PTK2: variants seen among roughly 807,000 people sequenced by gnomAD.
PTK2 encodes protein tyrosine kinase 2, also known as focal adhesion kinase 1.
Under a neutral mutation model 150.1 loss-of-function variants are expected in PTK2, and 45 were observed. The observed-to-expected ratio is 0.30, with a 90% CI of 0.24 to 0.38. PTK2 has a LOEUF of 0.38. Among genes scored for constraint, PTK2 ranks in the 10% least tolerant of loss-of-function variants. PTK2 has a pLI of 1.00. For missense variants in PTK2, 919 were observed against 1,307.3 expected, an observed-to-expected ratio of 0.70 and a Z score of 4.58; for synonymous variants, 432 against 449.2, an observed-to-expected ratio of 0.96 and a Z score of 0.48.
chr8:140,960,796 C>A (rs1050481017), intron 1 of PTK2, among the ~76,000 whole-genome samples: 4 of 152,122 alleles, frequency 2.6e-5, no homozygotes, highest in African/African-American at 9.7e-5. Context: ...ACCCGACCAA[C>A]ATGGTAAAAC....
At chr8:140,669,344 C>CACAG (rs2094404460) in intron 29 of PTK2, 1 of 103,044 alleles carries the variant, frequency 9.7e-6, no homozygotes, top group African/African-American at 5.3e-5. Context: ...TATATATACA[C>CACAG]TTTTTAAAAA....
intron 23 of PTK2, among the ~76,000 whole-genome samples, chr8:140,706,624 G>C (rs1307586319): frequency 6.6e-6 from 1 of 152,170 alleles, no homozygotes; most frequent in Non-Finnish European, 1.5e-5. Context: ...AGGCCAGTCT[G>C]TTGGGAATGT....
At chr8:140,763,075 C>A (rs1274577241) in intron 15 of PTK2, among the ~76,000 whole-genome samples, 2 of 152,174 alleles carry the variant, frequency 1.3e-5, no homozygotes, top group Admixed American at 6.5e-5. Context: ...CGCCACCATG[C>A]CAAAAAGTTA....
chr8:140,876,126 T>C (rs1002759341), intron 4 of PTK2, among the ~76,000 whole-genome samples: 1 of 152,204 alleles, frequency 6.6e-6, no homozygotes, highest in Non-Finnish European at 1.5e-5. Context: ...ATGTGTGCGT[T>C]CTTCAAATTA....
At chr8:140,847,923 T>C (rs896410458) in intron 5 of PTK2, among the ~76,000 whole-genome samples, 2 of 152,184 alleles carry the variant, frequency 1.3e-5, no homozygotes, top group Admixed American at 6.5e-5. Context: ...TGGTTCCTCA[T>C]TATGACCGTC....
rs35271369 is a variant in PTK2, at chr8:140,669,301, G to GTATATATATATA, written c.2710-889_2710-878dup. The GTATATATATATA allele has an allele frequency of 1.9e-3, 182 of 97,958 alleles. 3 individuals carry two copies. The highest frequency in any genetic ancestry group is 3.3e-3 in the African/African-American group (70 of 21,486). 6.1% of individuals were successfully genotyped at this position (97,958 alleles called of 1,614,324 possible). A position where few individuals can be genotyped will look rare whatever the true frequency, so the allele number is the denominator to read the frequency against. On this transcript the variant is annotated intron_variant, in intron 29 of 31. Coordinates refer to ENST00000522684, the Ensembl canonical transcript of PTK2. Reference sequence around the variant, plus strand: ...GTTAGAATTACACCAGCATAAAATGGTATATATATATATATATATATATAT... The same window carrying GTATATATATATA: ...GTTAGAATTACACCAGCATAAAATGGTATATATATATATATATATATATATATATATATATAT...
At chr8:140,663,791 A>G (rs1283141200) in intron 31 of PTK2, among the ~76,000 whole-genome samples, 5 of 152,010 alleles carry the variant, frequency 3.3e-5, no homozygotes, top group Admixed American at 3.3e-4. Context: ...ATCCTGCTTC[A>G]GCCTCCTGAG....
intron 1 of PTK2, among the ~76,000 whole-genome samples, chr8:140,957,652 T>C (rs1176540789): frequency 6.6e-6 from 1 of 152,186 alleles, no homozygotes; most frequent in East Asian, 1.9e-4. Flanking sequence ...TGCATGTAAG[T>C]GCCCTATACA....
intron 23 of PTK2, among the ~76,000 whole-genome samples, chr8:140,707,564 CA>C (rs1411538362): frequency 1.3e-5 from 2 of 152,088 alleles, no homozygotes; most frequent in African/African-American, 4.8e-5. Context: ...GGCACCTCAC[CA>C]GGCTAATTTT....
intron 29 of PTK2, among the ~76,000 whole-genome samples, chr8:140,672,841 G>A (rs1488076367): frequency 1.3e-5 from 2 of 152,208 alleles, no homozygotes; most frequent in South Asian, 2.1e-4. Context: ...CCAAGCCTGC[G>A]GCCAAGCACA....
chr8:140,837,511 T>C (rs534026912), intron 7 of PTK2, among the ~76,000 whole-genome samples: 1 of 152,224 alleles, frequency 6.6e-6, no homozygotes, highest in Non-Finnish European at 1.5e-5. Flanking sequence ...GGTGGATCAC[T>C]TGAGGTCAGG....
At chr8:140,924,104 C>G (rs1381986578) in intron 2 of PTK2, among the ~76,000 whole-genome samples, 1 of 152,156 alleles carries the variant, frequency 6.6e-6, no homozygotes, top group Non-Finnish European at 1.5e-5. Flanking sequence ...CAAGGATCCC[C>G]TAGTTTCCTT....
chr8:140,992,582 G>T (rs1480294766), intron 1 of PTK2, among the ~76,000 whole-genome samples: 1 of 152,180 alleles, frequency 6.6e-6, no homozygotes, highest in Non-Finnish European at 1.5e-5. Flanking sequence ...AGATGATAGT[G>T]ATGCTACAAT....
At chr8:140,863,387 T>C (rs1599263275) in intron 5 of PTK2, among the ~76,000 whole-genome samples, 1 of 152,346 alleles carries the variant, frequency 6.6e-6, no homozygotes, top group East Asian at 1.9e-4. Flanking sequence ...AAAAAAATTC[T>C]GGTTACGGCA....
chr8:140,874,389 T>C (rs980289272), intron 4 of PTK2, among the ~76,000 whole-genome samples: 1 of 152,230 alleles, frequency 6.6e-6, no homozygotes. Context: ...TGCTGAGTCC[T>C]AGCACTTTCA....
At chr8:140,775,789 T>C (rs896554803) in intron 14 of PTK2, among the ~76,000 whole-genome samples, 3 of 152,198 alleles carry the variant, frequency 2.0e-5, no homozygotes, top group Non-Finnish European at 2.9e-5. Flanking sequence ...ACAAGCTAAG[T>C]TGAAAAGGAC....
chr8:140,662,917 A>T, intron 31 of PTK2: 1 of 409,884 alleles, frequency 2.4e-6, no homozygotes, highest in East Asian at 3.5e-5. Context: ...ATGTCATGAA[A>T]GATAAAAAAA....
intron 31 of PTK2, among the ~76,000 whole-genome samples, chr8:140,662,196 C>T (rs370605143): frequency 9.2e-5 from 14 of 151,410 alleles, no homozygotes; most frequent in Admixed American, 7.9e-4. Flanking sequence ...ACTTGGGAGG[C>T]GGAGGCAGGA....
At chr8:140,715,161 T>G (rs1205327795) in intron 23 of PTK2, among the ~76,000 whole-genome samples, 7 of 54,140 alleles carry the variant, frequency 1.3e-4, no homozygotes, top group Admixed American at 1.1e-3. Flanking sequence ...AACCGTTTTT[T>G]TTTTTTTTTT....
Sources: allele counts gnomAD v4.1 joint callset (sites outside exome capture counted in the v4.1 genomes callset), GRCh38; gene constraint gnomAD v4.1.1; transcripts MANE v1.5; gene names NCBI Gene and HGNC (gene_info 2026-07-23, HGNC 2026-07-21).